ATRX: variants seen among roughly 807,000 people sequenced by gnomAD.
The protein encoded by ATRX is chromatin remodeler ATRX.
A neutral mutation model predicts 172.6 loss-of-function variants in ATRX; 12 were observed. That is an observed-to-expected ratio of 0.07 (90% CI 0.04 to 0.11). ATRX has a LOEUF of 0.11. Among genes scored for constraint, ATRX ranks in the 10% least tolerant of loss-of-function variants. The probability of loss-of-function intolerance (pLI) is 1.00; values close to 1 mark genes in which losing one functional copy is unlikely to be tolerated. For missense variants in ATRX, 1,368 were observed against 1,767.4 expected, an observed-to-expected ratio of 0.77 and a Z score of 4.05; for synonymous variants, 674 against 594.7, an observed-to-expected ratio of 1.13 and a Z score of -1.94.
chrX:77,615,498 A>G (rs1328486478), intron 22 of ATRX, among the ~76,000 whole-genome samples: 2 of 111,651 alleles, frequency 1.8e-5, no homozygotes, highest in African/African-American at 6.5e-5. Flanking sequence ...TGGGATAACT[A>G]TTTGGTTATT....
intron 10 of ATRX, among the ~76,000 whole-genome samples, chrX:77,672,523 A>G (rs1276698530): frequency 1.9e-5 from 2 of 107,072 alleles, no homozygotes; most frequent in African/African-American, 6.7e-5. Flanking sequence ...AGCCAGTAGG[A>G]AAAAAAAAAA....
In ATRX at chrX:77,705,572, C is replaced by T. The variant is rs782013889; in HGVS notation, c.134-6943G>A. Among the ~76,000 whole-genome samples the T allele has an allele frequency of 1.2e-4, 13 of 112,337 alleles. No homozygotes were observed. In the East Asian group the frequency reaches 3.4e-3, roughly 29 times the overall value. On this transcript the variant is annotated intron_variant, in intron 2 of 34. Coordinates refer to ENST00000373344, the MANE Select transcript of ATRX (RefSeq NM_000489.6). ...TGACTTCTTTGTAAAAATTGACAAG[C>T]TCATTCCAAAATTCATATGGACCAG... is the stretch of plus-strand genomic sequence containing the variant.
intron 22 of ATRX, among the ~76,000 whole-genome samples, chrX:77,605,701 A>G (rs1366489111): frequency 8.9e-6 from 1 of 111,803 alleles, no homozygotes; most frequent in African/African-American, 3.2e-5. Context: ...CCATAGGCCA[A>G]TATCACTGAT....
intron 6 of ATRX, among the ~76,000 whole-genome samples, chrX:77,692,313 T>C (rs1557147426): frequency 8.9e-6 from 1 of 111,773 alleles, no homozygotes; most frequent in Admixed American, 9.5e-5. Flanking sequence ...TTAGCTTTAA[T>C]GAGCTCTGTT....
chrX:77,710,594 T>C (rs1241879853), intron 2 of ATRX, among the ~76,000 whole-genome samples: 1 of 111,062 alleles, frequency 9.0e-6, no homozygotes, highest in East Asian at 2.8e-4. Flanking sequence ...ATCCATACCA[T>C]GGAATATTAC....
In ATRX at chrX:77,681,794, T is replaced by C. The variant is rs782121260; in HGVS notation, c.3462A>G (p.Ser1154=). ...RNTKEIQSGS[S]SSDAEESSED... ...CAGAACTTTCCTCAGCATCAGATGATGATGAGCCACTTTGTATTTCCTTAG... is the reference window on the plus strand; with the variant it reads ...CAGAACTTTCCTCAGCATCAGATGACGATGAGCCACTTTGTATTTCCTTAG... The change falls in exon 9 of 35, where the codon TCA becomes TCG. Residue 1154 remains serine (S), a synonymous_variant. Transcript: ENST00000373344. The C allele has an allele frequency of 3.3e-6, 4 of 1,198,872 alleles. No homozygotes were observed. Among genetic ancestry groups the C allele is most frequent in the Non-Finnish European group, 4.5e-6 (4 of 891,607 alleles).
At chrX:77,681,049 A>T (rs1304798521) in intron 9 of ATRX, among the ~76,000 whole-genome samples, 14 of 111,408 alleles carry the variant, frequency 1.3e-4, no homozygotes, top group African/African-American at 4.6e-4. Flanking sequence ...AAGGGTTTTA[A>T]TGAGGTAAAT....
At chrX:77,582,818 A>T (rs975039387) in intron 27 of ATRX, among the ~76,000 whole-genome samples, 2 of 112,011 alleles carry the variant, frequency 1.8e-5, no homozygotes, top group Non-Finnish European at 3.8e-5. Flanking sequence ...ATCTGAACAG[A>T]CCAATAAAAA....
intron 1 of ATRX, among the ~76,000 whole-genome samples, chrX:77,745,014 A>T (rs2075009057): frequency 9.4e-6 from 1 of 106,525 alleles, no homozygotes; most frequent in South Asian, 4.3e-4. Context: ...CAACAACAAC[A>T]ACAAAAACCT....
At chrX:77,732,661 T>C (rs1377436659) in intron 1 of ATRX, among the ~76,000 whole-genome samples, 1 of 112,176 alleles carries the variant, frequency 8.9e-6, no homozygotes, top group East Asian at 2.8e-4. Context: ...ATCAACAGAA[T>C]GAAGAACAAA....
intron 34 of ATRX, among the ~76,000 whole-genome samples, chrX:77,520,402 C>G (rs1274897670): frequency 1.8e-5 from 2 of 111,309 alleles, no homozygotes; most frequent in African/African-American, 6.5e-5. Flanking sequence ...ATACCTGTAT[C>G]AATATACCTT....
intron 15 of ATRX, among the ~76,000 whole-genome samples, chrX:77,637,461 TA>T (rs2068438692): frequency 9.0e-6 from 1 of 110,830 alleles, no homozygotes; most frequent in African/African-American, 3.3e-5. Flanking sequence ...GACAGAGAAG[TA>T]AAGTAACCTG....
chrX:77,645,045 T>C (rs2068841632), intron 15 of ATRX, among the ~76,000 whole-genome samples: 1 of 111,263 alleles, frequency 9.0e-6, no homozygotes, highest in Non-Finnish European at 1.9e-5. Flanking sequence ...TTCAATAAGA[T>C]CATCACCTAA....
intron 10 of ATRX, 181 bp downstream of exon 10, chrX:77,676,045 T>G (rs1237782040): frequency 7.8e-5 from 30 of 384,261 alleles, no homozygotes; most frequent in Non-Finnish European, 1.3e-4. Context: ...TCTCTTAAGG[T>G]TTCTGAGTTT....
In ATRX at chrX:77,652,056, G is replaced by A. The variant is rs2069272657; in HGVS notation, c.4557+58C>T. On this transcript the variant is annotated intron_variant, in intron 15 of 34. Transcript: ENST00000373344. Reference sequence around the variant, plus strand: ...GCCCAAGAGTTCGAGGCCAGCCTGGGCAACAGAGCAAGACCCTGTAGCTAC... The same window carrying A: ...GCCCAAGAGTTCGAGGCCAGCCTGGACAACAGAGCAAGACCCTGTAGCTAC... 8 of 1,170,506 alleles carry A rather than the reference G, an allele frequency of 6.8e-6. No homozygotes were observed. The Admixed American group carries it at 1.7e-4, about 25-fold the overall frequency.
At chrX:77,712,240 T>C (rs948967257) in intron 2 of ATRX, among the ~76,000 whole-genome samples, 1 of 112,059 alleles carries the variant, frequency 8.9e-6, no homozygotes, top group Non-Finnish European at 1.9e-5. Flanking sequence ...TCTTCTTCCA[T>C]GTGTTGACTC....
chrX:77,606,757 C>CAAAAAAAA (rs782601756), intron 22 of ATRX, among the ~76,000 whole-genome samples: 3 of 67,003 alleles, frequency 4.5e-5, no homozygotes, highest in Admixed American at 2.0e-4. Flanking sequence ...CTCATCTCTA[C>CAAAAAAAA]AAAAAAAAAA....
intron 30 of ATRX, among the ~76,000 whole-genome samples, chrX:77,532,629 C>T (rs1391022328): frequency 9.0e-6 from 1 of 111,667 alleles, no homozygotes; most frequent in Non-Finnish European, 1.9e-5. Flanking sequence ...TTACACCATA[C>T]ACAAAATTTA....
At position 77,504,963 on chromosome X, in the gene ATRX, C is replaced by T. The variant is rs1381874497; in HGVS notation, c.*3388G>A. ...GATGAAAGCATTTCTGAAACTTGAT[C>T]ACTCCTTTGGGACTGGCTCAGATTA... On this transcript the variant is annotated 3_prime_UTR_variant, in exon 35 of 35. Coordinates refer to ENST00000373344, the MANE Select transcript of ATRX (RefSeq NM_000489.6). 1 of 160,650 alleles carries T rather than the reference C, an allele frequency of 6.2e-6. No individual in the cohort carries two copies. Among genetic ancestry groups the T allele is most frequent in the African/African-American group, 3.1e-5 (1 of 32,739 alleles). 13.2% of individuals were successfully genotyped at this position (160,650 alleles called of 1,213,427 possible).
Sources: allele counts gnomAD v4.1 joint callset (sites outside exome capture counted in the v4.1 genomes callset), GRCh38; gene constraint gnomAD v4.1.1; transcripts MANE v1.5; gene names NCBI Gene and HGNC (gene_info 2026-07-23, HGNC 2026-07-21).